SPATA6: variants seen among roughly 807,000 people sequenced by gnomAD.
SPATA6 encodes spermatogenesis-associated protein 6.
A neutral mutation model predicts 65.3 loss-of-function variants in SPATA6; 56 were observed. The ratio of observed to expected loss-of-function variants is 0.86; its 90% CI spans 0.69 to 1.07. The LOEUF (loss-of-function observed/expected upper bound fraction) is 1.07. Ranked by LOEUF, SPATA6 falls within the 50% of genes least tolerant of loss-of-function variation. The probability of loss-of-function intolerance (pLI) is 0.00; values close to 1 mark genes in which losing one functional copy is unlikely to be tolerated. For synonymous variants in SPATA6, 199 were observed against 213.2 expected (o/e 0.93, Z 0.58); for missense variants, 590 against 594.8 (o/e 0.99, Z 0.08).
chr1:48,300,053 G>A (rs553946266), intron 12 of SPATA6, among the ~76,000 whole-genome samples: 6 of 152,242 alleles, frequency 3.9e-5, no homozygotes, highest in South Asian at 4.1e-4. Flanking sequence ...AAGAGAGCAC[G>A]CATGTAAGTG....
Position 48,464,309 on chromosome 1 carries a change from CAAACA to C in SPATA6, c.51+7644_51+7648del, listed in dbSNP as rs528491458. Among the ~76,000 whole-genome samples, 122 of 151,906 alleles carry C rather than the reference CAAACA, an allele frequency of 8.0e-4. 1 individual carries two copies. Among genetic ancestry groups the C allele is most frequent in the African/African-American group, 2.1e-3 (89 of 41,456 alleles). ...TCTAGCCATCAACATAAAGACAAGG[CAAACA>C]AAACAAAACAAAACAAAACAAAGGA... On this transcript the variant is annotated intron_variant, in intron 1 of 12. Transcript: ENST00000371847.
At chr1:48,285,479 A>G in the SPATA6 span, among the ~76,000 whole-genome samples, 1 of 8,566 alleles carries the variant, frequency 1.2e-4, no homozygotes, top group Non-Finnish European at 2.8e-4. Flanking sequence ...TGGGGTATGA[A>G]AAAAAAAAAA....
rs78782361 is a variant in SPATA6, at chr1:48,406,277, T to C, written c.406-2395A>G. 8.6e-3 allele frequency among the ~76,000 whole-genome samples: 1,307 copies of C among 152,226 alleles called. 23 individuals are homozygous for C. The highest frequency in any genetic ancestry group is 0.03 in the African/African-American group (1,266 of 41,540). On this transcript the variant is annotated intron_variant, in intron 5 of 12. Coordinates refer to ENST00000371847, the MANE Select transcript of SPATA6 (RefSeq NM_019073.4). ...CCTTGTTCATCAGTAAACCTCAGAT[T>C]TTCCTCTTCAGGTCTTCAATTTATT... is the stretch of plus-strand genomic sequence containing the variant.
chr1:48,461,068 C>G (rs962036717), intron 1 of SPATA6, among the ~76,000 whole-genome samples: 1 of 151,992 alleles, frequency 6.6e-6, no homozygotes, highest in Non-Finnish European at 1.5e-5. Context: ...CAGGAGAGAA[C>G]AGCAGAAAAA....
the SPATA6 span, among the ~76,000 whole-genome samples, chr1:48,266,481 C>T: frequency 1.3e-5 from 2 of 151,940 alleles, no homozygotes; most frequent in Non-Finnish European, 2.9e-5. Context: ...ACAAACGTGT[C>T]ATGGAAGGAT....
chr1:48,427,066 T>C (rs532727354), intron 3 of SPATA6, among the ~76,000 whole-genome samples: 4 of 152,126 alleles, frequency 2.6e-5, no homozygotes, highest in African/African-American at 9.6e-5. Context: ...GCTGGGACTA[T>C]AGGCATGTAC....
the SPATA6 span, among the ~76,000 whole-genome samples, chr1:48,267,651 C>T: frequency 2.0e-5 from 3 of 151,812 alleles, no homozygotes; most frequent in Admixed American, 6.6e-5. Context: ...TGTGCACTTC[C>T]GCTACTCTGC....
At chr1:48,315,324 A>T (rs1433790080) in intron 11 of SPATA6, among the ~76,000 whole-genome samples, 24 of 152,330 alleles carry the variant, frequency 1.6e-4, no homozygotes, top group Admixed American at 1.6e-3. Flanking sequence ...CCAGCAACAC[A>T]TCAAAAACTT....
chr1:48,277,398 A>C, the SPATA6 span, among the ~76,000 whole-genome samples: 1 of 152,372 alleles, frequency 6.6e-6, no homozygotes, highest in African/African-American at 2.4e-5. Flanking sequence ...TGGGAAGCGC[A>C]AGGGGTCAGG....
chr1:48,380,946 TG>T (rs1211756708), intron 9 of SPATA6, among the ~76,000 whole-genome samples: 1 of 151,970 alleles, frequency 6.6e-6, no homozygotes, highest in African/African-American at 2.4e-5. Flanking sequence ...CACGAACTGG[TG>T]GGGGGCGGGG....
At chr1:48,350,618 TA>T (rs1486651384) in intron 11 of SPATA6, among the ~76,000 whole-genome samples, 2 of 151,988 alleles carry the variant, frequency 1.3e-5, no homozygotes, top group African/African-American at 2.4e-5. Context: ...ACCATTTGTT[TA>T]AAAGATAACA....
At chr1:48,289,725 C>T in the SPATA6 span, among the ~76,000 whole-genome samples, 2 of 152,060 alleles carry the variant, frequency 1.3e-5, no homozygotes, top group Non-Finnish European at 2.9e-5. Context: ...GTAGCCGATT[C>T]GATCAACTGG....
intron 8 of SPATA6, among the ~76,000 whole-genome samples, chr1:48,386,494 C>G (rs1422289874): frequency 6.6e-6 from 1 of 152,156 alleles, no homozygotes; most frequent in African/African-American, 2.4e-5. Context: ...GATAATCATA[C>G]ATTGAATAGA....
rs78240389 is a variant in SPATA6 at position 48,423,883 on chromosome 1, G to T, written c.239-10732C>A. Among the ~76,000 whole-genome samples the T allele has an allele frequency of 9.7e-4, 148 of 152,116 alleles. 5 individuals are homozygous for T. In the East Asian group the frequency reaches 0.025, roughly 25 times the overall value. On this transcript the variant is annotated intron_variant, in intron 3 of 12. Coordinates refer to ENST00000371847, the MANE Select transcript of SPATA6 (RefSeq NM_019073.4). ...TTAAAATTGTGTAGGTACATACATA[G>T]TACATGTATATATTTATGGGGTACA...
the SPATA6 span, chr1:48,263,251 G>A: frequency 6.6e-6 from 1 of 152,092 alleles, no homozygotes; most frequent in African/African-American, 2.4e-5. Flanking sequence ...CAGTGAGTTT[G>A]GTATTTGAGC....
chr1:48,363,141 T>C (rs1646869540), intron 9 of SPATA6, among the ~76,000 whole-genome samples: 1 of 152,272 alleles, frequency 6.6e-6, no homozygotes, highest in South Asian at 2.1e-4. Context: ...TTAGAGTATA[T>C]GTTTTGTAAA....
chr1:48,370,983 C>T (rs185286938), intron 9 of SPATA6, among the ~76,000 whole-genome samples: 3 of 152,132 alleles, frequency 2.0e-5, no homozygotes, highest in African/African-American at 4.8e-5. Context: ...ATAATGTGAT[C>T]ACAACAATGC....
chr1:48,373,596 C>T lies in SPATA6; in HGVS notation c.909+11713G>A, dbSNP rs193117134. ...CAGCAACGCCCCACTCTACTGGTAA[C>T]AATTTACTGTATTAATCTGTTTTCC... On this transcript the variant is annotated intron_variant, in intron 9 of 12. Coordinates refer to ENST00000371847, the MANE Select transcript of SPATA6 (RefSeq NM_019073.4). 2.2e-3 allele frequency among the ~76,000 whole-genome samples: 333 copies of T among 152,264 alleles called. 2 individuals carry two copies. Among genetic ancestry groups the T allele is most frequent in the Non-Finnish European group, 4.0e-3 (274 of 68,034 alleles).
At chr1:48,291,265 A>G (rs1644765348), downstream of SPATA6, among the ~76,000 whole-genome samples, 2 of 152,038 alleles carry the variant, frequency 1.3e-5, no homozygotes, top group South Asian at 4.1e-4. Context: ...TATGGGGAGG[A>G]TCAGGTGGTA....
Sources: gnomAD v4.1 joint callset for allele counts (sites outside exome capture counted in the v4.1 genomes callset) on GRCh38, gnomAD v4.1.1 for gene constraint, MANE v1.5 for transcripts, NCBI Gene and HGNC (gene_info 2026-07-23, HGNC 2026-07-21) for gene names.